ACACA: variants seen among roughly 807,000 people sequenced by gnomAD.
ACACA encodes the protein acetyl-CoA carboxylase 1.
ACACA carries 103 observed loss-of-function variants against 296.1 expected under a neutral mutation model. The ratio of observed to expected loss-of-function variants is 0.35; its 90% CI spans 0.30 to 0.41. The LOEUF (loss-of-function observed/expected upper bound fraction) is 0.41, where lower values mean the gene tolerates loss of function less well. ACACA is among the 10% of genes least tolerant of loss of function. The pLI is 1.00. For synonymous variants in ACACA, 953 were observed against 1,038.6 expected, an observed-to-expected ratio of 0.92 and a Z score of 1.58; for missense variants, 1,554 against 2,989.7, an observed-to-expected ratio of 0.52 and a Z score of 11.20.
intron 41 of ACACA, among the ~76,000 whole-genome samples, chr17:37,174,062 T>C (rs1411179419): frequency 8.0e-6 from 1 of 124,746 alleles, no homozygotes; most frequent in East Asian, 2.3e-4. Context: ...GGTTTTGCCA[T>C]GTTGGCCAGG....
At chr17:37,323,543 T>C (rs2047451759) in intron 3 of ACACA, among the ~76,000 whole-genome samples, 1 of 152,198 alleles carries the variant, frequency 6.6e-6, no homozygotes, top group Non-Finnish European at 1.5e-5. Flanking sequence ...TAGTGAGCTA[T>C]GATTGCGCCA....
At chr17:37,213,152 TAC>T (rs140736366) in intron 29 of ACACA, among the ~76,000 whole-genome samples, 232 of 148,640 alleles carry the variant, frequency 1.6e-3, no homozygotes, top group Non-Finnish European at 2.5e-3. Flanking sequence ...AATCCATCTT[TAC>T]ACACACACAC....
At chr17:37,198,280 A>C (rs567885115) in intron 35 of ACACA, among the ~76,000 whole-genome samples, 1 of 152,362 alleles carries the variant, frequency 6.6e-6, no homozygotes, top group South Asian at 2.1e-4. Context: ...GAAACCAGTT[A>C]GTGTGCTATA....
In ACACA at chr17:37,085,827, T is replaced by TC. The variant is rs1420199726; in HGVS notation, c.*1488dup. 11 of 399,106 alleles carry TC rather than the reference T, an allele frequency of 2.8e-5. No homozygotes were observed. In the East Asian group the frequency reaches 3.9e-4, roughly 14 times the overall value. 24.7% of individuals were successfully genotyped at this position (399,106 alleles called of 1,614,324 possible). A position where few individuals can be genotyped will look rare whatever the true frequency, so the allele number is the denominator to read the frequency against. ...GGTTAAGGCTCAGAACTGTGGCTTG[T>TC]CCAAGAACGTTCATACCACTGCTTC... On this transcript the variant is annotated 3_prime_UTR_variant, in exon 56 of 56. Transcript: ENST00000616317.
intron 39 of ACACA, among the ~76,000 whole-genome samples, chr17:37,183,750 C>T (rs2077414311): frequency 2.0e-5 from 3 of 150,244 alleles, no homozygotes; most frequent in Admixed American, 2.0e-4. Context: ...CGAGATCGTG[C>T]TACTGCACTC....
intron 35 of ACACA, among the ~76,000 whole-genome samples, chr17:37,195,422 C>T (rs982653001): frequency 2.0e-5 from 3 of 152,028 alleles, no homozygotes; most frequent in African/African-American, 7.2e-5. Context: ...AATGAAGAAA[C>T]TGACTAATTC....
intron 1 of ACACA, among the ~76,000 whole-genome samples, chr17:37,396,558 A>G (rs1484803077): frequency 6.6e-6 from 1 of 151,944 alleles, no homozygotes; most frequent in African/African-American, 2.4e-5. Flanking sequence ...GGCCTTAACC[A>G]TTATTTCCTC....
chr17:37,386,694 C>T (rs1432991338), intron 1 of ACACA, among the ~76,000 whole-genome samples: 2 of 152,132 alleles, frequency 1.3e-5, no homozygotes, highest in Non-Finnish European at 2.9e-5. Flanking sequence ...CTCACCCTGT[C>T]GCCAGAATTA....
intron 1 of ACACA, chr17:37,391,831 A>G: frequency 3.0e-6 from 3 of 984,038 alleles, no homozygotes; most frequent in Non-Finnish European, 4.8e-6. Flanking sequence ...CAGGGACATT[A>G]CAATCAAACA....
At chr17:37,183,711 G>A (rs918945589) in intron 39 of ACACA, among the ~76,000 whole-genome samples, 4 of 151,688 alleles carry the variant, frequency 2.6e-5, no homozygotes, top group African/African-American at 9.7e-5. Context: ...GTGAACCCGG[G>A]AGGTAGAACT....
intron 1 of ACACA, among the ~76,000 whole-genome samples, chr17:37,359,557 C>T (rs555536926): frequency 6.6e-6 from 1 of 152,254 alleles, no homozygotes; most frequent in Non-Finnish European, 1.5e-5. Flanking sequence ...GAAGCGGTCC[C>T]GCATGCGCCT....
chr17:37,248,306 T>C (rs538778362), intron 17 of ACACA, 150 bp from the exon 18 acceptor site: 2 of 1,069,660 alleles, frequency 1.9e-6, no homozygotes, highest in Non-Finnish European at 2.8e-6. Context: ...TCTGTGGACA[T>C]GGCTCAGTCC....
intron 13 of ACACA, 94 bp from the exon 14 acceptor site, chr17:37,257,960 A>G: frequency 6.8e-7 from 1 of 1,474,644 alleles, no homozygotes; most frequent in Non-Finnish European, 9.4e-7. Flanking sequence ...AATCACACAC[A>G]GAAGCAGAGA....
At chr17:37,158,584 C>T (rs139964342) in intron 42 of ACACA, among the ~76,000 whole-genome samples, 11 of 152,032 alleles carry the variant, frequency 7.2e-5, no homozygotes, top group Admixed American at 2.0e-4. Context: ...GAGCCATAAT[C>T]GCACCACTGC....
At position 37,406,535 on chromosome 17, in the gene ACACA, G is replaced by T; in HGVS notation, c.-236C>A. On this transcript the variant is annotated 5_prime_UTR_variant, in exon 1 of 56. Transcript: ENST00000616317. Reference sequence around the variant, plus strand: ...CCTCAATTTCCCTTGCTGCAACAGGGGTGGAGATGGGAACGTTATCCCCAA... The same window carrying T: ...CCTCAATTTCCCTTGCTGCAACAGGTGTGGAGATGGGAACGTTATCCCCAA... 1 of 611,460 alleles carries T rather than the reference G, an allele frequency of 1.6e-6. No individual in the cohort carries two copies. The highest frequency in any genetic ancestry group is 2.9e-6 in the Non-Finnish European group (1 of 344,192). The allele number at this position is 611,460 out of a possible 1,614,324, so 37.9% of individuals were successfully genotyped here.
intron 1 of ACACA, among the ~76,000 whole-genome samples, chr17:37,342,346 T>C (rs2048405814): frequency 7.6e-6 from 1 of 131,666 alleles, no homozygotes; most frequent in African/African-American, 2.9e-5. Flanking sequence ...AAGCGGACGT[T>C]GCAGTGAGCC....
chr17:37,278,164 A>G (rs2082356307), intron 5 of ACACA, among the ~76,000 whole-genome samples, 159 bp from the exon 6 acceptor site: 1 of 152,220 alleles, frequency 6.6e-6, no homozygotes, highest in African/African-American at 2.4e-5. Context: ...CGAGGCTCTT[A>G]GTTTGTTAAG....
At chr17:37,241,725 T>A (rs941839441) in intron 23 of ACACA, among the ~76,000 whole-genome samples, 7 of 151,786 alleles carry the variant, frequency 4.6e-5, no homozygotes, top group Non-Finnish European at 7.4e-5. Context: ...ATAATAATAA[T>A]AAATAATTGA....
chr17:37,288,755 C>T (rs563588906), intron 3 of ACACA, among the ~76,000 whole-genome samples: 9 of 151,882 alleles, frequency 5.9e-5, no homozygotes, highest in African/African-American at 1.2e-4. Context: ...AAAAATTAGC[C>T]GGCCTTGGTG....
Sources: gnomAD v4.1 joint callset for allele counts (sites outside exome capture counted in the v4.1 genomes callset) on GRCh38, gnomAD v4.1.1 for gene constraint, MANE v1.5 for transcripts, NCBI Gene and HGNC (gene_info 2026-07-23, HGNC 2026-07-21) for gene names.